Variants in SMC2 observed in about 807,000 individuals in gnomAD.
SMC2 encodes the protein structural maintenance of chromosomes 2, also known as structural maintenance of chromosomes protein 2.
A neutral mutation model predicts 142.6 loss-of-function variants in SMC2; 41 were observed. The observed-to-expected ratio is 0.29, with a 90% confidence interval of 0.22 to 0.37. The LOEUF (loss-of-function observed/expected upper bound fraction) is 0.37. Among genes scored for constraint, SMC2 ranks in the 10% least tolerant of loss-of-function variants. The pLI, the probability that SMC2 is intolerant of heterozygous loss-of-function variation, is 1.00. For missense variants in SMC2, 1,265 were observed against 1,373.7 expected (o/e 0.92, Z 1.25); for synonymous variants, 463 against 457.5 (o/e 1.01, Z -0.15).
chr9:104,136,470 T>C lies in SMC2; in HGVS notation c.3270-1548T>C, dbSNP rs559672682. Among the ~76,000 whole-genome samples, 105 of 152,262 alleles carry C rather than the reference T, an allele frequency of 6.9e-4. 1 individual carries two copies. Among genetic ancestry groups the C allele is most frequent in the African/African-American group, 2.5e-3 (103 of 41,582 alleles). On this transcript the variant is annotated intron_variant, in intron 23 of 24. Transcript: ENST00000374793. ...GCCCTAGAAAATGTTTTGAGGAAAA[T>C]AGAAAATGTATGCTTCTCTTCTTAC...
rs747280786 is a variant in SMC2 at position 104,129,697 on chromosome 9, T to G, written c.2843T>G (p.Phe948Cys). 6.2e-7 allele frequency: 1 copy of G among 1,614,022 alleles called. No homozygotes were observed. The highest frequency in any genetic ancestry group is 1.1e-5 in the South Asian group (1 of 91,084). The change falls in exon 21 of 25, where the codon TTT (phenylalanine) becomes TGT (cysteine). Residue 948 changes from phenylalanine to cysteine, a missense_variant. Physicochemically the swap from Phe to Cys is radical, Grantham distance 205 (BLOSUM62 -2). Transcript: ENST00000374793. ...YDWINAERHL[F>C]GQPNSAYDFK... is the part of the protein sequence containing the mutation. ...TGGATTAATGCAGAGAGACACCTCTTTGGCCAACCCAATAGTGCCTATGAT... is the reference window on the plus strand; with the variant it reads ...TGGATTAATGCAGAGAGACACCTCTGTGGCCAACCCAATAGTGCCTATGAT...
chr9:104,107,383 G>A (rs975619660), intron 9 of SMC2, among the ~76,000 whole-genome samples: 3 of 152,154 alleles, frequency 2.0e-5, no homozygotes, highest in South Asian at 4.1e-4. Flanking sequence ...ACAAGTTTCT[G>A]TTGCCATAGA....
At chr9:104,137,121 C>T (rs1044478371) in intron 23 of SMC2, among the ~76,000 whole-genome samples, 3 of 151,964 alleles carry the variant, frequency 2.0e-5, no homozygotes, top group African/African-American at 4.8e-5. Flanking sequence ...GCACTTCATC[C>T]GGGGTGACAG....
At chr9:104,089,429 T>G (rs536485321), upstream of SMC2, among the ~76,000 whole-genome samples, 1 of 152,048 alleles carries the variant, frequency 6.6e-6, no homozygotes, top group African/African-American at 2.4e-5. Flanking sequence ...AGAGTAACAA[T>G]GGACCACCAT....
At chr9:104,130,154 TTC>T (rs1221791752) in intron 21 of SMC2, among the ~76,000 whole-genome samples, 1 of 152,214 alleles carries the variant, frequency 6.6e-6, no homozygotes, top group African/African-American at 2.4e-5. Context: ...TAGGATATAC[TTC>T]TGTCATCCTC....
rs924705333 is a variant in SMC2 at position 104,125,017 on chromosome 9, A to C, written c.2363A>C (p.Glu788Ala). The C allele has an allele frequency of 1.2e-6, 2 of 1,608,096 alleles. No homozygotes were observed. The highest frequency in any genetic ancestry group is 1.7e-6 in the Non-Finnish European group (2 of 1,178,726). Residue 788 changes from glutamate to alanine, a missense_variant, in exon 18 of 25, where the codon GAG becomes GCG. Transcript: ENST00000374793. ...ATGAAAAATGCAGAAGCTGAAAGAG[A>C]GCGAGAACTGAAAGATGCTCAGAAA... is the stretch of plus-strand genomic sequence containing the variant. ...NKMKNAEAERERELKDAQKKL... is the reference protein window; with the variant it reads ...NKMKNAEAERARELKDAQKKL...
chr9:104,100,596 G>A (rs1214395857), intron 7 of SMC2, among the ~76,000 whole-genome samples, 163 bp downstream of exon 7: 1 of 152,180 alleles, frequency 6.6e-6, no homozygotes, highest in East Asian at 1.9e-4. Context: ...TGCTTACAGA[G>A]GATATGCACT....
At chr9:104,097,378 T>A (rs1830562648) in intron 3 of SMC2, among the ~76,000 whole-genome samples, 1 of 151,068 alleles carries the variant, frequency 6.6e-6, no homozygotes, top group South Asian at 2.1e-4. Context: ...AGTGCTAGGA[T>A]TACAGGTGTG....
intron 18 of SMC2, 141 bp from the exon 19 acceptor site, chr9:104,126,500 C>A: frequency 1.9e-6 from 1 of 534,932 alleles, no homozygotes; most frequent in Non-Finnish European, 3.1e-6. Context: ...AGCAGCTTAA[C>A]CTGTACTTTC....
chr9:104,109,756 TAAGAAG>T (rs533815148), intron 9 of SMC2, among the ~76,000 whole-genome samples: 1 of 152,112 alleles, frequency 6.6e-6, no homozygotes, highest in African/African-American at 2.4e-5. Context: ...TCAAAAAAAT[TAAGAAG>T]AAGTTAAGTT....
chr9:104,115,154 A>C (rs957416830), intron 13 of SMC2, among the ~76,000 whole-genome samples: 2 of 152,114 alleles, frequency 1.3e-5, no homozygotes, highest in East Asian at 1.9e-4. Context: ...GAATTTATTT[A>C]CATTTCTTCA....
At position 104,100,453 on chromosome 9, in the gene SMC2, G is replaced by C. The variant is rs768144857; in HGVS notation, c.636+20G>C. 2 of 1,398,380 alleles carry C rather than the reference G, an allele frequency of 1.4e-6. No individual in the cohort carries two copies. The highest frequency in any genetic ancestry group is 4.7e-5 in the East Asian group (2 of 42,728). The allele number at this position is 1,398,380 out of a possible 1,614,324, so 86.6% of individuals were successfully genotyped here. A position where few individuals can be genotyped will look rare whatever the true frequency, so the allele number is the denominator to read the frequency against. On this transcript the variant is annotated intron_variant, in intron 7 of 24. Transcript: ENST00000374793. ...AAAGAGGTATATTCTGTATATGTGAGGATAATCTATTAGAATGTCTTTCAA... is the reference window on the plus strand; with the variant it reads ...AAAGAGGTATATTCTGTATATGTGACGATAATCTATTAGAATGTCTTTCAA...
chr9:104,111,670 T>G lies in SMC2; in HGVS notation c.1110T>G (p.Ala370=), dbSNP rs1832462242. Reference sequence around the variant, plus strand: ...TTCAAGAAGCAAGTAATAAAGATGCTGAAGCTCTGGCAGCTGCACAGCAGC... The same window carrying G: ...TTCAAGAAGCAAGTAATAAAGATGCGGAAGCTCTGGCAGCTGCACAGCAGC... ...HALQEASNKD[A]EALAAAQQHF... is the part of the protein sequence containing the mutation. The change falls in exon 10 of 25, where the codon GCT becomes GCG. Residue 370 remains alanine (A), a synonymous_variant. Coordinates refer to ENST00000374793, the MANE Select transcript of SMC2 (RefSeq NM_006444.3). 2 of 1,614,050 alleles carry G rather than the reference T, an allele frequency of 1.2e-6. No homozygotes were observed. The highest frequency in any genetic ancestry group is 2.7e-5 in the African/African-American group (2 of 75,050).
intron 22 of SMC2, among the ~76,000 whole-genome samples, chr9:104,133,070 TGGCTTCA>T (rs1172480317): frequency 6.6e-6 from 1 of 152,188 alleles, no homozygotes; most frequent in Non-Finnish European, 1.5e-5. Flanking sequence ...TTCTTCCTTC[TGGCTTCA>T]GGCTTACTTG....
intron 20 of SMC2, among the ~76,000 whole-genome samples, chr9:104,129,243 C>T (rs1587988691): frequency 6.6e-6 from 1 of 152,126 alleles, no homozygotes; most frequent in Admixed American, 6.5e-5. Flanking sequence ...TGGCTCACGC[C>T]TGTAATCCCA....
chr9:104,127,497 A>AT lies in SMC2; in HGVS notation c.2790+23dup, dbSNP rs750638487. On this transcript the variant is annotated intron_variant, in intron 20 of 24. Transcript: ENST00000374793. ...GCTGCAAAGGTATACGTTTGTGTGCATTTTTTATACTAAATCAAATTTTTG... is the reference window on the plus strand; with the variant it reads ...GCTGCAAAGGTATACGTTTGTGTGCATTTTTTTATACTAAATCAAATTTTTG... 6 of 1,498,862 alleles carry AT rather than the reference A, an allele frequency of 4.0e-6. No homozygotes were observed. The African/African-American group carries it at 7.0e-5, about 17-fold the overall frequency. The allele number at this position is 1,498,862 out of a possible 1,614,324, so 92.8% of individuals were successfully genotyped here. A position where few individuals can be genotyped will look rare whatever the true frequency, so the allele number is the denominator to read the frequency against.
intron 5 of SMC2, 58 bp downstream of exon 5, chr9:104,099,740 T>G: frequency 9.5e-7 from 1 of 1,058,186 alleles, no homozygotes; most frequent in Non-Finnish European, 1.4e-6. Flanking sequence ...CTTTAATCTT[T>G]CAGACAATTT....
upstream of SMC2, among the ~76,000 whole-genome samples, chr9:104,091,598 CA>C (rs758035202): frequency 4.6e-5 from 7 of 152,190 alleles, no homozygotes; most frequent in Non-Finnish European, 7.3e-5. Flanking sequence ...CTGTCATTAT[CA>C]ATTCATTTCC....
intron 14 of SMC2, 43 bp from the exon 15 acceptor site, chr9:104,118,128 A>T: frequency 2.0e-6 from 3 of 1,466,154 alleles, no homozygotes; most frequent in Non-Finnish European, 1.9e-6. Flanking sequence ...CTGAAAGGAA[A>T]AGTAGTAGTA....
Sources: gnomAD v4.1 joint callset for allele counts (sites outside exome capture counted in the v4.1 genomes callset) on GRCh38, gnomAD v4.1.1 for gene constraint, MANE v1.5 for transcripts, NCBI Gene and HGNC (gene_info 2026-07-23, HGNC 2026-07-21) for gene names.